The following PLTP variants were observed in gnomAD, a reference collection of about 807,000 sequenced individuals.
PLTP encodes BPI fold containing family E.
Under a neutral mutation model 54.1 loss-of-function variants are expected in PLTP, and 43 were observed. The observed-to-expected ratio is 0.79, with a 90% CI of 0.62 to 1.02. PLTP has a LOEUF of 1.02. PLTP is among the 50% of genes least tolerant of loss of function. PLTP has a pLI of 0.00. For missense variants in PLTP, 604 were observed against 645.9 expected (o/e 0.94, Z 0.70); for synonymous variants, 263 against 264.6 (o/e 0.99, Z 0.06).
At chr20:45,910,816 T>A in intron 3 of PLTP, 1 of 1,234,084 alleles carries the variant, frequency 8.1e-7, no homozygotes. Flanking sequence ...TCCGATTAAC[T>A]CCACCCCGTG....
rs749649631 is a variant in PLTP, at chr20:45,905,060, G to A, written c.764C>T (p.Pro255Leu). 1.2e-5 allele frequency: 19 copies of A among 1,614,258 alleles called. No homozygotes were observed. The highest frequency in any genetic ancestry group is 1.6e-5 in the Non-Finnish European group (19 of 1,180,042). ...NWSLPNRAVE[P>L]QLQEEERMVY... ...CATCCGCTCTTCCTCCTGCAGCTGG[G>A]GCTCCACTGCCCGGTTGGGGAGGCT... The change falls in exon 9 of 16, where the codon CCC (proline) becomes CTC (leucine). Residue 255 changes from proline to leucine, a missense_variant. Pro to Leu is a moderately conservative substitution (Grantham distance 98). Coordinates refer to ENST00000372431, the MANE Select transcript of PLTP (RefSeq NM_006227.4).
At position 45,899,452 on chromosome 20, in the gene PLTP, C is replaced by T. The variant is rs1254209068; in HGVS notation, c.1359+10G>A. ...GGCCCTCCCTCCTTCCCCATCCTGC[C>T]CCCACTCACCGCATGGTTCGTCACC... On this transcript the variant is annotated intron_variant, in intron 15 of 15. Coordinates refer to ENST00000372431, the MANE Select transcript of PLTP (RefSeq NM_006227.4). 11 of 1,613,740 alleles carry T rather than the reference C, an allele frequency of 6.8e-6. No homozygotes were observed. Among genetic ancestry groups the T allele is most frequent in the Non-Finnish European group, 9.3e-6 (11 of 1,179,870 alleles).
At chr20:45,902,203 C>T (rs2083191495) in intron 12 of PLTP, 64 bp downstream of exon 12, 3 of 1,543,932 alleles carry the variant, frequency 1.9e-6, no homozygotes, top group Non-Finnish European at 2.7e-6. Context: ...TTAAGCGCAA[C>T]ATCCCTGTGG....
chr20:45,899,773 G>C (rs541697748), intron 13 of PLTP, 63 bp downstream of exon 13: 5 of 1,591,388 alleles, frequency 3.1e-6, no homozygotes, highest in South Asian at 1.1e-5. Flanking sequence ...TATGAGGAGG[G>C]GGGGATGGTG....
chr20:45,902,439 C>G lies in PLTP; in HGVS notation c.1107+1G>C. Reference sequence around the variant, plus strand: ...AGCAGCCCCCACTCTGGGACCCGTACCATAGTCATGCTGGACAGCTGGACC... The same window carrying G: ...AGCAGCCCCCACTCTGGGACCCGTAGCATAGTCATGCTGGACAGCTGGACC... On this transcript the variant is annotated splice_donor_variant, in intron 11 of 15. Coordinates refer to ENST00000372431, the MANE Select transcript of PLTP (RefSeq NM_006227.4). LOFTEE classifies it high-confidence loss of function. 1 of 1,614,234 alleles carries G rather than the reference C, an allele frequency of 6.2e-7. No homozygotes were observed. Among genetic ancestry groups the G allele is most frequent in the Non-Finnish European group, 8.5e-7 (1 of 1,180,032 alleles).
intron 8 of PLTP, among the ~76,000 whole-genome samples, chr20:45,905,869 T>A (rs1309512167): frequency 6.6e-6 from 1 of 152,238 alleles, no homozygotes; most frequent in Non-Finnish European, 1.5e-5. Flanking sequence ...TCCACATTCC[T>A]AAAATTAGGA....
Position 45,910,088 on chromosome 20 carries a change from G to T in PLTP, c.201-18C>A. 1 of 1,613,432 alleles carries T rather than the reference G, an allele frequency of 6.2e-7. No homozygotes were observed. Among genetic ancestry groups the T allele is most frequent in the East Asian group, 2.2e-5 (1 of 44,856 alleles). On this transcript the variant is annotated intron_variant, in intron 3 of 15. Coordinates refer to ENST00000372431, the MANE Select transcript of PLTP (RefSeq NM_006227.4). ...CCTTCACCCTACAGGAGGCCTCAGG[G>T]TCAGATCCAGGGCCAAGAAGAGGGA...
chr20:45,910,672 G>A (rs1397291990), intron 3 of PLTP, among the ~76,000 whole-genome samples: 3 of 150,384 alleles, frequency 2.0e-5, no homozygotes. Context: ...CCACACCCTG[G>A]GGTTGCTACA....
intron 10 of PLTP, 52 bp from the exon 11 acceptor site, chr20:45,902,656 C>G (rs750462279): frequency 1.3e-6 from 2 of 1,519,910 alleles, no homozygotes; most frequent in Admixed American, 2.0e-5. Flanking sequence ...TCCTTTGGAG[C>G]CCCCAGGGAA....
Position 45,898,935 on chromosome 20 carries a change from G to A in PLTP, c.*6C>T. ...AATGACAGCTGCCAGCTTGGGGATTGAGGGCTCAGACAGCTGCTGTGGACG... is the reference window on the plus strand; with the variant it reads ...AATGACAGCTGCCAGCTTGGGGATTAAGGGCTCAGACAGCTGCTGTGGACG... On this transcript the variant is annotated 3_prime_UTR_variant, in exon 16 of 16. Coordinates refer to ENST00000372431, the MANE Select transcript of PLTP (RefSeq NM_006227.4). The surrounding 1 kb of genome is among the most constrained non-coding windows in gnomAD (Gnocchi z 4.6). The A allele has an allele frequency of 6.2e-7, 1 of 1,613,444 alleles. No individual in the cohort carries two copies. The highest frequency in any genetic ancestry group is 1.3e-5 in the African/African-American group (1 of 75,040).
chr20:45,899,772 G>T (rs73306280), intron 13 of PLTP, 64 bp downstream of exon 13: 68 of 1,593,628 alleles, frequency 4.3e-5, no homozygotes, highest in Non-Finnish European at 5.5e-5. Context: ...ATATGAGGAG[G>T]GGGGGATGGT....
Position 45,906,890 on chromosome 20 carries a change from CAAA to C in PLTP, c.614-534_614-532del, listed in dbSNP as rs746783296. Among the ~76,000 whole-genome samples the C allele has an allele frequency of 3.8e-3, 154 of 41,032 alleles. 5 individuals are homozygous for C. Among genetic ancestry groups the C allele is most frequent in the African/African-American group, 9.9e-3 (151 of 15,178 alleles). The allele number at this position is 41,032 out of a possible 152,430, so 26.9% of individuals were successfully genotyped here. ...TGGGTGACAGAGCGAGACTCCATCT[CAAA>C]AAAAAAAAAAAAAAAAAAAGATGGC... is the stretch of plus-strand genomic sequence containing the variant. On this transcript the variant is annotated intron_variant, in intron 7 of 15. Transcript: ENST00000372431.
In PLTP at chr20:45,905,194, C is replaced by T. The variant is rs900284309; in HGVS notation, c.706-76G>A. The stretch of plus-strand genomic sequence containing the variant: ...GGACTGACAGCAGGTGTCTCCCAGC[C>T]CCGTGCTAGGCACTGTGGGGGGATG... On this transcript the variant is annotated intron_variant, in intron 8 of 15. Transcript: ENST00000372431. The T allele has an allele frequency of 3.0e-6, 4 of 1,351,748 alleles. No homozygotes were observed. In the South Asian group the frequency reaches 4.7e-5, roughly 16 times the overall value. 83.7% of individuals were successfully genotyped at this position (1,351,748 alleles called of 1,614,324 possible). A position where few individuals can be genotyped will look rare whatever the true frequency, so the allele number is the denominator to read the frequency against.
rs975673138 is a variant in PLTP, at chr20:45,904,704, C to T, written c.942+96G>A. ...TTGGCCACAGACAAGAGGCCAGGGC[C>T]CTGTCTGCGTGGCTGCCACTGGGGG... On this transcript the variant is annotated intron_variant, in intron 10 of 15. Coordinates refer to ENST00000372431, the MANE Select transcript of PLTP (RefSeq NM_006227.4). 1.5e-5 allele frequency: 17 copies of T among 1,113,908 alleles called. No individual in the cohort carries two copies. In the African/African-American group the frequency reaches 1.8e-4, roughly 12 times the overall value. 69.0% of individuals were successfully genotyped at this position (1,113,908 alleles called of 1,614,324 possible).
intron 7 of PLTP, among the ~76,000 whole-genome samples, chr20:45,907,344 AAAAAG>A (rs1476131752): frequency 6.6e-6 from 1 of 151,976 alleles, no homozygotes; most frequent in African/African-American, 2.4e-5. Context: ...AAAAAAAAAA[AAAAAG>A]AAAGAAAAAG....
At position 45,911,162 on chromosome 20, in the gene PLTP, TGTA is replaced by T. The variant is rs2083286859; in HGVS notation, c.187_189del (p.Tyr63del). ...CCGCCCCCCACTTACTCAGAGATGT[TGTA>T]GTAGAAGTGGCCTTCTTTGCCCCGC... On this transcript the variant is annotated inframe_deletion, in exon 3 of 16. Transcript: ENST00000372431. The T allele has an allele frequency of 3.7e-6, 6 of 1,613,338 alleles. No individual in the cohort carries two copies. Among genetic ancestry groups the T allele is most frequent in the African/African-American group, 1.3e-5 (1 of 74,886 alleles).
At chr20:45,909,800 C>T (rs1186357612) in intron 4 of PLTP, 129 bp from the exon 5 acceptor site, 7 of 1,409,658 alleles carry the variant, frequency 5.0e-6, no homozygotes, top group African/African-American at 2.8e-5. Context: ...CCTATCAACT[C>T]GTATGAAATG....
At chr20:45,904,689 A>T in intron 10 of PLTP, 111 bp downstream of exon 10, 2 of 984,546 alleles carry the variant, frequency 2.0e-6, no homozygotes, top group Non-Finnish European at 3.3e-6. Context: ...TTGGCCACAG[A>T]CAAGAGGCCA....
chr20:45,903,064 G>A (rs928387655), intron 10 of PLTP, among the ~76,000 whole-genome samples: 5 of 152,064 alleles, frequency 3.3e-5, no homozygotes, highest in East Asian at 3.9e-4. Context: ...CGCCATGCCC[G>A]GCTAAGTTTT....
Sources: gnomAD v4.1 joint callset for allele counts (sites outside exome capture counted in the v4.1 genomes callset) on GRCh38, gnomAD v4.1.1 for gene constraint, Gnocchi (gnomAD v3.1) non-coding constraint, MANE v1.5 for transcripts, NCBI Gene and HGNC (gene_info 2026-07-23, HGNC 2026-07-21) for gene names.